The following CSTF3 variants were observed in gnomAD, a reference collection of about 807,000 sequenced individuals.
CSTF3 encodes the protein cleavage stimulation factor subunit 3.
Under a neutral mutation model 105.8 loss-of-function variants are expected in CSTF3, and 29 were observed. The ratio of observed to expected loss-of-function variants is 0.27; its 90% CI spans 0.20 to 0.37. The LOEUF (loss-of-function observed/expected upper bound fraction) is 0.37. Among genes scored for constraint, CSTF3 ranks in the 10% least tolerant of loss-of-function variants. The probability of loss-of-function intolerance (pLI) is 1.00; values close to 1 mark genes in which losing one functional copy is unlikely to be tolerated. For missense variants in CSTF3, 357 were observed against 879.3 expected (o/e 0.41, Z 7.51); for synonymous variants, 252 against 281.9 (o/e 0.89, Z 1.06).
chr11:33,106,400 A>G (rs1363877717), intron 5 of CSTF3, among the ~76,000 whole-genome samples: 1 of 152,066 alleles, frequency 6.6e-6, no homozygotes, highest in Non-Finnish European at 1.5e-5. Flanking sequence ...TGGGTGACAG[A>G]GCAAGACCCT....
intron 3 of CSTF3, 86 bp downstream of exon 3, chr11:33,141,581 T>A: frequency 6.8e-7 from 1 of 1,472,884 alleles, no homozygotes; most frequent in South Asian, 1.5e-5. Context: ...CTCCTTGTCC[T>A]AATTGGCTAT....
chr11:33,140,104 A>G (rs965493676), intron 3 of CSTF3, among the ~76,000 whole-genome samples: 7 of 152,076 alleles, frequency 4.6e-5, no homozygotes, highest in Non-Finnish European at 8.8e-5. Flanking sequence ...AAACAATTAT[A>G]TATCAATTAT....
chr11:33,129,461 CAA>C (rs1322861446), intron 3 of CSTF3, among the ~76,000 whole-genome samples: 1 of 151,482 alleles, frequency 6.6e-6, no homozygotes, highest in African/African-American at 2.4e-5. Flanking sequence ...GGGGGGTCTA[CAA>C]AGTTACTACC....
At chr11:33,155,364 G>GA (rs1849849510) in intron 1 of CSTF3, among the ~76,000 whole-genome samples, 1 of 121,342 alleles carries the variant, frequency 8.2e-6, no homozygotes, top group African/African-American at 3.2e-5. Context: ...ACTCTGTCTC[G>GA]AAAAAATAAA....
At chr11:33,111,571 G>A (rs1855379366) in intron 3 of CSTF3, among the ~76,000 whole-genome samples, 1 of 152,136 alleles carries the variant, frequency 6.6e-6, no homozygotes, top group Non-Finnish European at 1.5e-5. Context: ...TGGTTGGCAG[G>A]GTGATACGGG....
At chr11:33,156,707 C>A (rs1399114854) in intron 1 of CSTF3, 4 of 453,710 alleles carry the variant, frequency 8.8e-6, no homozygotes, top group Non-Finnish European at 1.8e-5. Context: ...TGGACTCACA[C>A]CTGTAATCCA....
At chr11:33,149,703 G>A (rs1319616223) in intron 1 of CSTF3, among the ~76,000 whole-genome samples, 3 of 152,162 alleles carry the variant, frequency 2.0e-5, no homozygotes, top group Admixed American at 1.3e-4. Flanking sequence ...GGCCAAAATG[G>A]TGAAACCCCA....
intron 3 of CSTF3, among the ~76,000 whole-genome samples, chr11:33,125,050 C>G (rs548289534): frequency 6.6e-6 from 1 of 152,276 alleles, no homozygotes; most frequent in East Asian, 1.9e-4. Context: ...TCTGTTGAAG[C>G]CTTCAATCAT....
chr11:33,145,412 C>A (rs1473693949), intron 1 of CSTF3, among the ~76,000 whole-genome samples: 2 of 151,690 alleles, frequency 1.3e-5, no homozygotes, highest in Non-Finnish European at 2.9e-5. Context: ...GGTGACAGGG[C>A]AAGACTCTGT....
At chr11:33,120,671 C>T (rs1451130198) in intron 3 of CSTF3, among the ~76,000 whole-genome samples, 2 of 151,832 alleles carry the variant, frequency 1.3e-5, no homozygotes, top group Admixed American at 6.6e-5. Flanking sequence ...AAAGGCATAA[C>T]GTTTTTTATT....
At chr11:33,135,032 CCA>C (rs1855638284) in intron 3 of CSTF3, among the ~76,000 whole-genome samples, 2 of 152,158 alleles carry the variant, frequency 1.3e-5, no homozygotes, top group African/African-American at 4.8e-5. Flanking sequence ...TTCTTTTAAG[CCA>C]CATTCTTCAG....
chr11:33,099,727 G>T lies in CSTF3; in HGVS notation c.827-10C>A. The T allele has an allele frequency of 1.3e-6, 2 of 1,500,576 alleles. No homozygotes were observed. Among genetic ancestry groups the T allele is most frequent in the Non-Finnish European group, 1.8e-6 (2 of 1,098,872 alleles). The allele number at this position is 1,500,576 out of a possible 1,614,324, so 93.0% of individuals were successfully genotyped here. Reference sequence around the variant, plus strand: ...TCATAAGCAAACATAACTAAGGGAAGAAATTAACAAACAATATTCAATTAA... The same window carrying T: ...TCATAAGCAAACATAACTAAGGGAATAAATTAACAAACAATATTCAATTAA... On this transcript the variant is annotated splice_polypyrimidine_tract_variant and intron_variant, in intron 10 of 20. Coordinates refer to ENST00000323959, the MANE Select transcript of CSTF3 (RefSeq NM_001326.3). This position sits in a 1 kb window ranked among gnomAD's most constrained non-coding sequence, Gnocchi z 4.1.
intron 3 of CSTF3, chr11:33,140,863 CATTA>C (rs568307185): frequency 6.6e-6 from 1 of 152,142 alleles, no homozygotes; most frequent in South Asian, 2.1e-4. Flanking sequence ...CCTTCCATAT[CATTA>C]ATTTATATTA....
chr11:33,160,403 C>T (rs1377178510), intron 1 of CSTF3, among the ~76,000 whole-genome samples: 7 of 152,254 alleles, frequency 4.6e-5, no homozygotes, highest in African/African-American at 1.7e-4. Context: ...GTTGCTATGG[C>T]AATGGGAAAT....
intron 1 of CSTF3, among the ~76,000 whole-genome samples, chr11:33,147,804 A>C (rs931247727): frequency 6.6e-6 from 1 of 152,128 alleles, no homozygotes; most frequent in African/African-American, 2.4e-5. Context: ...GAATCCTACA[A>C]GGTATGAGTT....
intron 5 of CSTF3, among the ~76,000 whole-genome samples, chr11:33,107,435 T>C (rs771780001): frequency 5.7e-4 from 86 of 152,178 alleles, no homozygotes; most frequent in Non-Finnish European, 1.1e-3. Context: ...CAGAAGAAGG[T>C]CCATTATTTA....
At chr11:33,090,034 G>C (rs1855151160) in intron 17 of CSTF3, among the ~76,000 whole-genome samples, 1 of 152,152 alleles carries the variant, frequency 6.6e-6, no homozygotes, top group South Asian at 2.1e-4. Context: ...AAAGGCCACT[G>C]AAGGAGCACT....
At chr11:33,161,182 C>G in intron 1 of CSTF3, 117 bp downstream of exon 1, 1 of 1,093,956 alleles carries the variant, frequency 9.1e-7, no homozygotes, top group Non-Finnish European at 1.4e-6. Flanking sequence ...TTCTATATAC[C>G]CTGTCCCCCG....
chr11:33,085,841 A>C (rs1328955604), intron 19 of CSTF3, 54 bp downstream of exon 19: 1 of 1,587,856 alleles, frequency 6.3e-7, no homozygotes, highest in African/African-American at 1.3e-5. Flanking sequence ...AACTTTATAC[A>C]CAATTACTAT....
Sources: gnomAD v4.1 joint callset for allele counts (sites outside exome capture counted in the v4.1 genomes callset) on GRCh38, gnomAD v4.1.1 for gene constraint, Gnocchi (gnomAD v3.1) non-coding constraint, MANE v1.5 for transcripts, NCBI Gene and HGNC (gene_info 2026-07-23, HGNC 2026-07-21) for gene names.